ALK: variants seen among roughly 807,000 people sequenced by gnomAD.
ALK encodes ALK receptor tyrosine kinase.
Under a neutral mutation model 163.1 loss-of-function variants are expected in ALK, and 74 were observed. That is an observed-to-expected ratio of 0.45 (90% CI 0.38 to 0.55). The LOEUF (loss-of-function observed/expected upper bound fraction) is 0.55, where lower values mean the gene tolerates loss of function less well. ALK is among the 20% of genes least tolerant of loss of function. The pLI, the probability that ALK is intolerant of heterozygous loss-of-function variation, is 0.00. For synonymous variants in ALK, 960 were observed against 843.2 expected (o/e 1.14, Z -2.40); for missense variants, 2,063 against 2,105.3 (o/e 0.98, Z 0.39).
At chr2:29,349,476 T>C (rs944346255) in intron 5 of ALK, among the ~76,000 whole-genome samples, 10 of 152,194 alleles carry the variant, frequency 6.6e-5, no homozygotes, top group Admixed American at 1.3e-4. Context: ...GAGTGCATTA[T>C]GCTAAGGCAG....
At chr2:29,901,664 C>T (rs1379835386) in intron 1 of ALK, among the ~76,000 whole-genome samples, 3 of 152,202 alleles carry the variant, frequency 2.0e-5, no homozygotes, top group African/African-American at 7.2e-5. Flanking sequence ...GTCCAGGGAA[C>T]TGAGAATTTA....
intron 3 of ALK, among the ~76,000 whole-genome samples, chr2:29,552,844 C>G (rs1045634902): frequency 1.3e-5 from 2 of 152,176 alleles, no homozygotes; most frequent in African/African-American, 4.8e-5. Flanking sequence ...TTCACACTAC[C>G]AGAGCATGGG....
At chr2:29,239,872 A>G (rs756809548) in intron 12 of ALK, 42 bp from the exon 13 acceptor site, 25 of 1,597,824 alleles carry the variant, frequency 1.6e-5, no homozygotes, top group Non-Finnish European at 2.0e-5. Context: ...TGTGGTATGA[A>G]GACTGTCCCC....
intron 1 of ALK, among the ~76,000 whole-genome samples, chr2:29,832,563 T>C (rs1665448743): frequency 6.6e-6 from 1 of 152,242 alleles, no homozygotes; most frequent in South Asian, 2.1e-4. Flanking sequence ...TCTCACTATG[T>C]ATGTGGGTAT....
intron 4 of ALK, among the ~76,000 whole-genome samples, chr2:29,422,391 G>A (rs1670035714): frequency 1.3e-5 from 2 of 151,428 alleles, no homozygotes; most frequent in South Asian, 2.1e-4. Flanking sequence ...TACTCACTCA[G>A]ATGAAACCTC....
chr2:29,387,784 T>C (rs1205026075), intron 4 of ALK, among the ~76,000 whole-genome samples: 1 of 152,134 alleles, frequency 6.6e-6, no homozygotes, highest in African/African-American at 2.4e-5. Context: ...GCAAAAAGAC[T>C]CAGTTTCACC....
chr2:29,905,845 C>G (rs1000762143), intron 1 of ALK, among the ~76,000 whole-genome samples: 1 of 152,182 alleles, frequency 6.6e-6, no homozygotes. Flanking sequence ...CTGTTTAGCA[C>G]AACCTTTGCT....
chr2:29,446,278 T>A (rs1322013445), intron 4 of ALK, among the ~76,000 whole-genome samples: 1 of 152,008 alleles, frequency 6.6e-6, no homozygotes, highest in African/African-American at 2.4e-5. Context: ...CTGAGGTCCA[T>A]GAGGCCTGGA....
intron 13 of ALK, 90 bp downstream of exon 13, chr2:29,239,590 A>C: frequency 6.7e-7 from 1 of 1,497,582 alleles, no homozygotes; most frequent in Non-Finnish European, 9.2e-7. Flanking sequence ...ATGAACTTCC[A>C]GGAGGAGGGT....
intron 1 of ALK, among the ~76,000 whole-genome samples, chr2:29,731,591 G>T (rs1036606603): frequency 6.6e-6 from 1 of 152,152 alleles, no homozygotes; most frequent in Non-Finnish European, 1.5e-5. Flanking sequence ...AAACCTTCCG[G>T]CCTGCTGAAT....
chr2:29,882,590 A>T (rs1263443276), intron 1 of ALK, among the ~76,000 whole-genome samples: 1 of 152,140 alleles, frequency 6.6e-6, no homozygotes, highest in Non-Finnish European at 1.5e-5. Context: ...GTTACTCAGG[A>T]GGCTGAGGCA....
At chr2:29,745,839 T>C (rs974500551) in intron 1 of ALK, among the ~76,000 whole-genome samples, 17 of 152,296 alleles carry the variant, frequency 1.1e-4, no homozygotes, top group African/African-American at 4.1e-4. Flanking sequence ...ATTTGTTGGA[T>C]GGACAAATGA....
intron 4 of ALK, among the ~76,000 whole-genome samples, chr2:29,495,832 G>C (rs1045951688): frequency 1.3e-5 from 2 of 152,160 alleles, no homozygotes; most frequent in Admixed American, 1.3e-4. Flanking sequence ...GCTGTCAGGA[G>C]GTTTCAGTGT....
chr2:29,220,229 G>C (rs1040938409), intron 23 of ALK, among the ~76,000 whole-genome samples: 2 of 152,120 alleles, frequency 1.3e-5, no homozygotes, highest in East Asian at 3.9e-4. Flanking sequence ...TCTCATGATA[G>C]TGAGTGAGTT....
rs1665516024 is a variant in ALK, at chr2:29,275,435, T to C, written c.1879A>G (p.Asn627Asp). The change falls in exon 10 of 29, where the codon AAT becomes GAT. Residue 627 changes from asparagine (N) to aspartate (D), a missense_variant. Coordinates refer to ENST00000389048, the MANE Select transcript of ALK (RefSeq NM_004304.5). ...TAGCAGTCCAGGCTGATGGAGATATTGTCAAAAGCCACGATGGCTCTGGAT... is the reference window on the plus strand; with the variant it reads ...TAGCAGTCCAGGCTGATGGAGATATCGTCAAAAGCCACGATGGCTCTGGAT... ...QGSRAIVAFDNISISLDCYLT... is the reference protein window; with the variant it reads ...QGSRAIVAFDDISISLDCYLT... 6.2e-7 allele frequency: 1 copy of C among 1,614,064 alleles called. No homozygotes were observed. The highest frequency in any genetic ancestry group is 1.3e-5 in the African/African-American group (1 of 74,994).
At chr2:29,888,249 T>TTTTTG (rs1667036199) in intron 1 of ALK, among the ~76,000 whole-genome samples, 1 of 117,186 alleles carries the variant, frequency 8.5e-6, no homozygotes. Context: ...ATAAATTGTT[T>TTTTTG]TTTTTTTTTT....
At chr2:29,878,407 A>G (rs879041929) in intron 1 of ALK, among the ~76,000 whole-genome samples, 1 of 152,196 alleles carries the variant, frequency 6.6e-6, no homozygotes, top group Admixed American at 6.5e-5. Context: ...TCCTGCAGTC[A>G]TTTGTATTTT....
At chr2:29,702,421 C>T (rs1018754170) in intron 2 of ALK, among the ~76,000 whole-genome samples, 2 of 152,124 alleles carry the variant, frequency 1.3e-5, no homozygotes, top group African/African-American at 4.8e-5. Flanking sequence ...CTTGAAGGTT[C>T]TGATATGACC....
At chr2:29,630,956 C>A (rs924918974) in intron 3 of ALK, among the ~76,000 whole-genome samples, 14 of 152,144 alleles carry the variant, frequency 9.2e-5, no homozygotes, top group Non-Finnish European at 1.5e-4. Context: ...GCTTAGGGTT[C>A]TTCAAGAAAG....
Sources: gnomAD v4.1 joint callset for allele counts (sites outside exome capture counted in the v4.1 genomes callset) on GRCh38, gnomAD v4.1.1 for gene constraint, MANE v1.5 for transcripts, NCBI Gene and HGNC (gene_info 2026-07-23, HGNC 2026-07-21) for gene names.